LAMC3: variants seen among roughly 807,000 people sequenced by gnomAD.
The protein encoded by LAMC3 is laminin subunit gamma-3.
In LAMC3, 128 loss-of-function variants were observed where a neutral mutation model predicts 173.8. The observed-to-expected ratio is 0.74, with a 90% CI of 0.64 to 0.85. The LOEUF is 0.85. Among genes scored for constraint, LAMC3 ranks in the 40% least tolerant of loss-of-function variants. The pLI, the probability that LAMC3 is intolerant of heterozygous loss-of-function variation, is 0.00. For missense variants in LAMC3, 2,022 were observed against 2,156.0 expected (o/e 0.94, Z 1.23); for synonymous variants, 897 against 909.1 (o/e 0.99, Z 0.24).
intron 9 of LAMC3, among the ~76,000 whole-genome samples, chr9:131,050,779 A>G (rs1834267418): frequency 1.3e-4 from 1 of 7,918 alleles, no homozygotes; most frequent in African/African-American, 7.6e-4. Flanking sequence ...AAAAAAAGGA[A>G]AAAAAAAAAA....
chr9:131,085,639 G>C lies in LAMC3; in HGVS notation c.4146G>C (p.Arg1382Ser), dbSNP rs147092908. ...GAAAGAAGACCAAGCAGGCGGAGAG[G>C]ATGCTGGGAAACGCGGCCCCTCTTT... ...DTRKKTKQAE[R>S]MLGNAAPLSS... is the part of the protein sequence containing the mutation. Residue 1382 changes from arginine to serine, a missense_variant, in exon 25 of 28, where the codon AGG becomes AGC. Physicochemically the swap from Arg to Ser is moderately radical, Grantham distance 110 (BLOSUM62 -1). Coordinates refer to ENST00000361069, the MANE Select transcript of LAMC3 (RefSeq NM_006059.4). The C allele has an allele frequency of 5.6e-3, 9,005 of 1,614,188 alleles. 23 individuals are homozygous for C. Among genetic ancestry groups the C allele is most frequent in the Non-Finnish European group, 6.9e-3 (8,088 of 1,180,044 alleles).
chr9:131,020,578 G>C (rs2133216395), intron 1 of LAMC3, among the ~76,000 whole-genome samples: 1 of 152,352 alleles, frequency 6.6e-6, no homozygotes, highest in Non-Finnish European at 1.5e-5. Context: ...AGGATTCTGA[G>C]GTACAGTCTG....
chr9:131,078,438 T>TTAATC (rs1256315132), intron 22 of LAMC3, among the ~76,000 whole-genome samples: 5 of 152,134 alleles, frequency 3.3e-5, no homozygotes, highest in African/African-American at 1.2e-4. Context: ...TAAGCTGAGA[T>TTAATC]TGCGCCACTG....
At chr9:131,050,534 T>C (rs975855159) in intron 9 of LAMC3, among the ~76,000 whole-genome samples, 2 of 150,984 alleles carry the variant, frequency 1.3e-5, no homozygotes, top group South Asian at 2.1e-4. Context: ...GAGGCTGAGG[T>C]TGGGGGGGAT....
At chr9:131,058,561 G>A (rs1178425119) in intron 12 of LAMC3, among the ~76,000 whole-genome samples, 1 of 152,070 alleles carries the variant, frequency 6.6e-6, no homozygotes, top group African/African-American at 2.4e-5. Flanking sequence ...GAGCAGGTGG[G>A]GGCTGTCTGA....
intron 24 of LAMC3, among the ~76,000 whole-genome samples, chr9:131,084,938 CAAAAAAAA>C (rs35487130): frequency 8.1e-6 from 1 of 123,716 alleles, no homozygotes; most frequent in Admixed American, 8.3e-5. Flanking sequence ...GACCTTGTCT[CAAAAAAAA>C]AAAAAAAAAA....
intron 18 of LAMC3, among the ~76,000 whole-genome samples, chr9:131,072,307 A>G (rs1048433765): frequency 2.4e-4 from 37 of 152,192 alleles, no homozygotes; most frequent in African/African-American, 8.9e-4. Flanking sequence ...CGTGTCTTAA[A>G]ATGCCCACAT....
In LAMC3 at chr9:131,067,295, A is replaced by G. The variant is rs1049158471; in HGVS notation, c.2593+90A>G. On this transcript the variant is annotated intron_variant, in intron 14 of 27. Transcript: ENST00000361069. Reference sequence around the variant, plus strand: ...AGGGCCCAGAAGGGGTGGCTGAGGAACCCACCAGAACCAGCTGGCTCCTCT... The same window carrying G: ...AGGGCCCAGAAGGGGTGGCTGAGGAGCCCACCAGAACCAGCTGGCTCCTCT... 2.6e-5 allele frequency: 40 copies of G among 1,534,952 alleles called. No homozygotes were observed. The African/African-American group carries it at 4.9e-4, about 19-fold the overall frequency.
chr9:131,044,061 C>T (rs752942910), intron 7 of LAMC3, among the ~76,000 whole-genome samples: 5 of 150,792 alleles, frequency 3.3e-5, no homozygotes, highest in African/African-American at 9.8e-5. Flanking sequence ...CGGGTTCAAG[C>T]GATTCTCCTG....
chr9:131,034,783 G>A (rs1833911006), intron 3 of LAMC3, among the ~76,000 whole-genome samples: 1 of 152,216 alleles, frequency 6.6e-6, no homozygotes, highest in Non-Finnish European at 1.5e-5. Context: ...ACAGGGTCAG[G>A]CTCTGCCGAG....
At position 131,071,644 on chromosome 9, in the gene LAMC3, G is replaced by T. The variant is rs1163885251; in HGVS notation, c.3211+19G>T. On this transcript the variant is annotated intron_variant, in intron 18 of 27. Transcript: ENST00000361069. ...CTTCCAGGTACAGCAGGAGCGCAGA[G>T]CGGGAGGGTGGGAGGCAAGGGGAGG... 1 of 1,539,086 alleles carries T rather than the reference G, an allele frequency of 6.5e-7. No homozygotes were observed. The highest frequency in any genetic ancestry group is 8.8e-7 in the Non-Finnish European group (1 of 1,140,066).
chr9:131,040,302 T>C (rs1349091408), intron 6 of LAMC3, among the ~76,000 whole-genome samples: 1 of 152,040 alleles, frequency 6.6e-6, no homozygotes, highest in Non-Finnish European at 1.5e-5. Flanking sequence ...CTCAGCCTCC[T>C]GAGTAGCTGA....
At chr9:131,039,878 G>GC (rs1418407987) in intron 6 of LAMC3, among the ~76,000 whole-genome samples, 3 of 152,048 alleles carry the variant, frequency 2.0e-5, no homozygotes, top group Non-Finnish European at 4.4e-5. Flanking sequence ...TAGTGGGACA[G>GC]CTGAGGGGAG....
chr9:131,011,666 T>C (rs1412442607), intron 1 of LAMC3, among the ~76,000 whole-genome samples: 1 of 14,588 alleles, frequency 6.9e-5, no homozygotes, highest in Non-Finnish European at 1.6e-4. Flanking sequence ...AGGAAGCCAG[T>C]GGGGAGGGGG....
intron 12 of LAMC3, among the ~76,000 whole-genome samples, chr9:131,059,915 C>T (rs1829774985): frequency 6.6e-6 from 1 of 152,232 alleles, no homozygotes; most frequent in African/African-American, 2.4e-5. Context: ...CTCTTCCTCC[C>T]AGGTCACCTG....
At chr9:131,017,921 G>A (rs1392260629) in intron 1 of LAMC3, among the ~76,000 whole-genome samples, 1 of 151,706 alleles carries the variant, frequency 6.6e-6, no homozygotes, top group Admixed American at 6.6e-5. Flanking sequence ...AGCTACCCAG[G>A]AGTCTGAGGC....
chr9:131,091,594 T>C lies in LAMC3; in HGVS notation c.4535T>C (p.Leu1512Pro). Residue 1512 changes from leucine to proline, a missense_variant, in exon 28 of 28, where the codon CTA (leucine) becomes CCA (proline). By Grantham distance (98) the Leu-to-Pro change is moderately conservative. Transcript: ENST00000361069. ...GCCCTGAACGAGACTCAGTGGGCAC[T>C]AGAACGCCTGAGGCTGCAGCTGGGC... Reference protein sequence around the residue: ...AQALNETQWALERLRLQLGSP... With the variant: ...AQALNETQWAPERLRLQLGSP... 6.3e-7 allele frequency: 1 copy of C among 1,592,476 alleles called. No homozygotes were observed. Among genetic ancestry groups the C allele is most frequent in the Non-Finnish European group, 8.5e-7 (1 of 1,169,688 alleles).
chr9:131,092,714 T>C lies in LAMC3; in HGVS notation c.*927T>C, dbSNP rs1218481057. ...CGCCTCTGTGCCCCCGGCAACCCAG[T>C]TGACCTTTAATTGACGCTTTCCAGA... On this transcript the variant is annotated 3_prime_UTR_variant, in exon 28 of 28. Transcript: ENST00000361069. 1 of 152,314 alleles carries C rather than the reference T, an allele frequency of 6.6e-6. No individual in the cohort carries two copies. Among genetic ancestry groups the C allele is most frequent in the African/African-American group, 2.4e-5 (1 of 41,466 alleles). 9.4% of individuals were successfully genotyped at this position (152,314 alleles called of 1,614,324 possible).
rs1834416722 is a variant in LAMC3, at chr9:131,056,859, A to G, written c.1940-70A>G. On this transcript the variant is annotated intron_variant, in intron 11 of 27. Coordinates refer to ENST00000361069, the MANE Select transcript of LAMC3 (RefSeq NM_006059.4). ...GGGCCTGGTCCATATGTGAACAGGA[A>G]GGTTTTGGGGGGAAGCATGTGCAGG... is the stretch of plus-strand genomic sequence containing the variant. 6 of 1,223,728 alleles carry G rather than the reference A, an allele frequency of 4.9e-6. No individual in the cohort carries two copies. In the South Asian group the frequency reaches 6.0e-5, roughly 12 times the overall value. 75.8% of individuals were successfully genotyped at this position (1,223,728 alleles called of 1,614,324 possible). A position where few individuals can be genotyped will look rare whatever the true frequency, so the allele number is the denominator to read the frequency against.
Sources: allele counts gnomAD v4.1 joint callset (sites outside exome capture counted in the v4.1 genomes callset), GRCh38; gene constraint gnomAD v4.1.1; transcripts MANE v1.5; gene names NCBI Gene and HGNC (gene_info 2026-07-23, HGNC 2026-07-21).